PLCB1: variants seen among roughly 807,000 people sequenced by gnomAD.
PLCB1 encodes the protein phospholipase C beta 1.
Under a neutral mutation model 161.8 loss-of-function variants are expected in PLCB1, and 46 were observed. The observed-to-expected ratio is 0.28, with a 90% CI of 0.22 to 0.36. The LOEUF is 0.36. Ranked by LOEUF, PLCB1 falls within the 10% of genes least tolerant of loss-of-function variation. The probability of loss-of-function intolerance (pLI) is 1.00; values close to 1 mark genes in which losing one functional copy is unlikely to be tolerated. For missense variants in PLCB1, 1,016 were observed against 1,472.5 expected (o/e 0.69, Z 5.07); for synonymous variants, 517 against 503.7 (o/e 1.03, Z -0.35).
chr20:8,834,220 A>G (rs1229099042), intron 31 of PLCB1, among the ~76,000 whole-genome samples: 4 of 152,162 alleles, frequency 2.6e-5, no homozygotes, highest in South Asian at 2.1e-4. Flanking sequence ...ATAAAGAGGT[A>G]AAGTTATAGC....
intron 31 of PLCB1, among the ~76,000 whole-genome samples, chr20:8,840,553 G>A (rs1456590217): frequency 6.6e-6 from 1 of 152,158 alleles, no homozygotes; most frequent in East Asian, 1.9e-4. Context: ...TGAGCAAATG[G>A]TCTCAGAACA....
intron 3 of PLCB1, among the ~76,000 whole-genome samples, chr20:8,627,511 G>A (rs1003372922): frequency 2.0e-5 from 3 of 152,128 alleles, no homozygotes; most frequent in African/African-American, 7.2e-5. Flanking sequence ...TTGATTTGAT[G>A]CTAATTTTCT....
At chr20:8,268,631 G>T (rs1982107833) in intron 2 of PLCB1, among the ~76,000 whole-genome samples, 1 of 152,178 alleles carries the variant, frequency 6.6e-6, no homozygotes, top group Non-Finnish European at 1.5e-5. Context: ...AGCACCTGTT[G>T]TTTCCTGACC....
intron 2 of PLCB1, among the ~76,000 whole-genome samples, chr20:8,338,535 C>G (rs1985672752): frequency 6.6e-6 from 1 of 152,080 alleles, no homozygotes; most frequent in Non-Finnish European, 1.5e-5. Flanking sequence ...AGAGCTAGAA[C>G]AAAGATGAAC....
chr20:8,190,343 T>G (rs1221454250), intron 2 of PLCB1, among the ~76,000 whole-genome samples: 1 of 152,146 alleles, frequency 6.6e-6, no homozygotes, highest in Non-Finnish European at 1.5e-5. Flanking sequence ...TTGAAAGTAT[T>G]TAGAGTTATT....
At chr20:8,682,006 CA>C in intron 9 of PLCB1, among the ~76,000 whole-genome samples, 1 of 152,080 alleles carries the variant, frequency 6.6e-6, no homozygotes, top group Non-Finnish European at 1.5e-5. Flanking sequence ...GCCTGGGTTT[CA>C]AGGGGTGAAT....
chr20:8,396,715 T>C (rs1034573239), intron 3 of PLCB1, among the ~76,000 whole-genome samples: 14 of 152,092 alleles, frequency 9.2e-5, no homozygotes, highest in African/African-American at 3.1e-4. Flanking sequence ...ATTCCAGATA[T>C]ACACAATCGT....
intron 3 of PLCB1, among the ~76,000 whole-genome samples, chr20:8,390,250 C>G (rs763998224): frequency 8.5e-5 from 13 of 152,158 alleles, no homozygotes; most frequent in Non-Finnish European, 1.3e-4. Context: ...GGAGGCCTTT[C>G]TCCTCGGCTT....
At position 8,629,875 on chromosome 20, in the gene PLCB1, T is replaced by TTCTTTCTG. The variant is rs1272803067; in HGVS notation, c.384+1447_384+1448insTTCTGTCT. Reference sequence around the variant, plus strand: ...TTTCTTTCTTTCTTTCTTTCTTTCTTTCTCTCTCTCTTTCTTTTCTTTCTT... The same window carrying TTCTTTCTG: ...TTTCTTTCTTTCTTTCTTTCTTTCTTTCTTTCTGTCTCTCTCTCTTTCTTTTCTTTCTT... On this transcript the variant is annotated intron_variant, in intron 4 of 31. Transcript: ENST00000338037. Among the ~76,000 whole-genome samples the TTCTTTCTG allele has an allele frequency of 7.8e-3, 648 of 83,218 alleles. 10 individuals carry two copies. The highest frequency in any genetic ancestry group is 0.011 in the Non-Finnish European group (420 of 38,174). 54.6% of individuals were successfully genotyped at this position (83,218 alleles called of 152,430 possible).
At chr20:8,379,314 G>T (rs977673735) in intron 3 of PLCB1, among the ~76,000 whole-genome samples, 1 of 152,158 alleles carries the variant, frequency 6.6e-6, no homozygotes, top group Non-Finnish European at 1.5e-5. Context: ...GTATTCCATG[G>T]TTTATATGTA....
chr20:8,698,712 C>T (rs1326808101), intron 11 of PLCB1, among the ~76,000 whole-genome samples: 1 of 151,958 alleles, frequency 6.6e-6, no homozygotes, highest in African/African-American at 2.4e-5. Flanking sequence ...ATTTGGGGGA[C>T]GGTTCAAAGG....
intron 3 of PLCB1, among the ~76,000 whole-genome samples, chr20:8,557,697 A>G (rs1986008139): frequency 6.6e-6 from 1 of 152,008 alleles, no homozygotes; most frequent in African/African-American, 2.4e-5. Context: ...CTAAAACAGT[A>G]AAGTTGGGCT....
chr20:8,546,414 A>C (rs1378259642), intron 3 of PLCB1, among the ~76,000 whole-genome samples: 1 of 151,652 alleles, frequency 6.6e-6, no homozygotes, highest in Non-Finnish European at 1.5e-5. Context: ...TCTGATGAAT[A>C]TTTCACTGGT....
chr20:8,659,846 G>T (rs1407006254), intron 9 of PLCB1, among the ~76,000 whole-genome samples: 1 of 151,976 alleles, frequency 6.6e-6, no homozygotes, highest in Non-Finnish European at 1.5e-5. Flanking sequence ...ACAAAAATTA[G>T]TCTGGCATGA....
chr20:8,465,034 A>T (rs888342418), intron 3 of PLCB1, among the ~76,000 whole-genome samples: 1 of 151,970 alleles, frequency 6.6e-6, no homozygotes. Flanking sequence ...TCATCTTCTT[A>T]TTTATTTCCT....
At chr20:8,554,813 T>G (rs745709531) in intron 3 of PLCB1, among the ~76,000 whole-genome samples, 11 of 152,136 alleles carry the variant, frequency 7.2e-5, no homozygotes, top group Non-Finnish European at 1.5e-4. Flanking sequence ...CTTAATAATA[T>G]TAGTATCACC....
chr20:8,185,694 CTTTAA>C (rs1212844811), intron 2 of PLCB1, among the ~76,000 whole-genome samples: 3 of 151,916 alleles, frequency 2.0e-5, no homozygotes, highest in African/African-American at 4.8e-5. Flanking sequence ...AACTCTGTCT[CTTTAA>C]TTTGTTTTTA....
chr20:8,283,299 A>G (rs1027345647), intron 2 of PLCB1, among the ~76,000 whole-genome samples: 3 of 152,158 alleles, frequency 2.0e-5, no homozygotes, highest in Non-Finnish European at 2.9e-5. Flanking sequence ...GAGAGCTAGC[A>G]ATCTTTCCCA....
At chr20:8,306,205 GT>G (rs1360105568) in intron 2 of PLCB1, among the ~76,000 whole-genome samples, 5 of 152,216 alleles carry the variant, frequency 3.3e-5, no homozygotes, top group African/African-American at 9.6e-5. Flanking sequence ...GCTGCAGGGA[GT>G]AAGTGATTTG....
Sources: gnomAD v4.1 joint callset for allele counts (sites outside exome capture counted in the v4.1 genomes callset) on GRCh38, gnomAD v4.1.1 for gene constraint, MANE v1.5 for transcripts, NCBI Gene and HGNC (gene_info 2026-07-23, HGNC 2026-07-21) for gene names.